Variants in RORB observed in about 807,000 individuals in gnomAD.
The protein encoded by RORB is RAR related orphan receptor B.
RORB carries 6 observed loss-of-function variants against 59.1 expected under a neutral mutation model. The observed-to-expected ratio is 0.10, with a 90% CI of 0.06 to 0.20. The LOEUF (loss-of-function observed/expected upper bound fraction) is 0.20, where lower values mean the gene tolerates loss of function less well. RORB is among the 10% of genes least tolerant of loss of function. The pLI is 1.00. For synonymous variants in RORB, 215 were observed against 204.5 expected (o/e 1.05, Z -0.44); for missense variants, 320 against 560.5 (o/e 0.57, Z 4.33).
intron 4 of RORB, among the ~76,000 whole-genome samples, chr9:74,649,302 T>C (rs560326393): frequency 2.0e-5 from 3 of 152,284 alleles, no homozygotes; most frequent in East Asian, 1.9e-4. Flanking sequence ...ACCTGGGTCA[T>C]TGGAGAGGGT....
At chr9:74,678,642 G>A (rs1219252994) in intron 9 of RORB, among the ~76,000 whole-genome samples, 1 of 152,126 alleles carries the variant, frequency 6.6e-6, no homozygotes, top group African/African-American at 2.4e-5. Flanking sequence ...GGAGTCTATG[G>A]ACCAAACACT....
intron 1 of RORB, among the ~76,000 whole-genome samples, chr9:74,597,119 A>G (rs1473043385): frequency 6.6e-6 from 1 of 152,218 alleles, no homozygotes; most frequent in Non-Finnish European, 1.5e-5. Flanking sequence ...AAGGATTTGC[A>G]TTTCCTTCAA....
In RORB at chr9:74,541,085, A is replaced by C. The variant is rs12004389; in HGVS notation, c.7+43102A>C. On this transcript the variant is annotated intron_variant, in intron 1 of 9. Transcript: ENST00000376896. The stretch of plus-strand genomic sequence containing the variant: ...CACCTGAGGTCAGGAGTTCAAGACC[A>C]GCCTGGCCAACATGGTGAAACCCTG... Among the ~76,000 whole-genome samples, 572 of 152,114 alleles carry C rather than the reference A, an allele frequency of 3.8e-3. 6 individuals carry two copies. Among genetic ancestry groups the C allele is most frequent in the African/African-American group, 0.013 (553 of 41,496 alleles).
intron 1 of RORB, among the ~76,000 whole-genome samples, chr9:74,573,486 C>T (rs1353103589): frequency 7.5e-6 from 1 of 133,644 alleles, no homozygotes; most frequent in Admixed American, 7.6e-5. Flanking sequence ...AAAAAAAAAA[C>T]TGGGCCTAAT....
chr9:74,683,726 T>C (rs1279908411), intron 9 of RORB, among the ~76,000 whole-genome samples: 1 of 152,176 alleles, frequency 6.6e-6, no homozygotes, highest in Admixed American at 6.5e-5. Context: ...CTGCCACAAG[T>C]CAGGGCATCT....
intron 1 of RORB, among the ~76,000 whole-genome samples, chr9:74,540,382 C>A (rs1481438423): frequency 2.0e-5 from 3 of 152,062 alleles, no homozygotes; most frequent in Non-Finnish European, 4.4e-5. Flanking sequence ...ATTTCTGCAT[C>A]TGCAAAAATA....
chr9:74,577,736 C>T (rs1822659899), intron 1 of RORB, among the ~76,000 whole-genome samples: 4 of 152,004 alleles, frequency 2.6e-5, no homozygotes, highest in Middle Eastern at 3.2e-3. Context: ...CTCAGATTCC[C>T]ACCCTATAAA....
At chr9:74,648,702 G>A (rs963000008) in intron 4 of RORB, among the ~76,000 whole-genome samples, 2 of 152,068 alleles carry the variant, frequency 1.3e-5, no homozygotes, top group African/African-American at 4.8e-5. Flanking sequence ...TCTTCTCTCC[G>A]TCCATCCTCC....
At chr9:74,574,325 A>AAT (rs1822598423) in intron 1 of RORB, among the ~76,000 whole-genome samples, 1 of 152,154 alleles carries the variant, frequency 6.6e-6, no homozygotes, top group Non-Finnish European at 1.5e-5. Flanking sequence ...TTACGAGGGG[A>AAT]AATAAGCCAG....
rs1191795621 is a variant in RORB, at chr9:74,497,795, AGCG to A, written c.-170_-168del. On this transcript the variant is annotated 5_prime_UTR_variant, in exon 1 of 10. Transcript: ENST00000376896. ...CCACCAACATCAAAACTGTTAACAT[AGCG>A]GCGGCGGCGGCAAACGTCACCCTGC... The A allele has an allele frequency of 2.9e-5, 18 of 620,166 alleles. No homozygotes were observed. Among genetic ancestry groups the A allele is most frequent in the South Asian group, 3.9e-5 (2 of 51,482 alleles). 38.4% of individuals were successfully genotyped at this position (620,166 alleles called of 1,614,324 possible). A position where few individuals can be genotyped will look rare whatever the true frequency, so the allele number is the denominator to read the frequency against.
rs374556016 is a variant in RORB at position 74,541,279 on chromosome 9, CAAAAAAAAA to C, written c.7+43315_7+43323del. Among the ~76,000 whole-genome samples the C allele has an allele frequency of 7.0e-3, 306 of 43,570 alleles. 4 individuals carry two copies. Among genetic ancestry groups the C allele is most frequent in the African/African-American group, 0.041 (259 of 6,254 alleles). 28.6% of individuals were successfully genotyped at this position (43,570 alleles called of 152,430 possible). ...TGGGCAACAGAAAGAGACTCCATCTCAAAAAAAAAAAAAAAAAAAAAAAAAAAGTAAAGG... is the reference window on the plus strand; with the variant it reads ...TGGGCAACAGAAAGAGACTCCATCTCAAAAAAAAAAAAAAAAAAGTAAAGG... On this transcript the variant is annotated intron_variant, in intron 1 of 9. Coordinates refer to ENST00000376896, the MANE Select transcript of RORB (RefSeq NM_006914.4).
At chr9:74,568,699 C>CA (rs34771605) in intron 1 of RORB, among the ~76,000 whole-genome samples, 49,620 of 106,914 alleles carry the variant, frequency 0.46, 10,350 homozygotes, top group East Asian at 0.75. Context: ...GACTCCATCT[C>CA]AAAAAAAAAA....
chr9:74,508,684 G>A (rs1460256441), intron 1 of RORB, among the ~76,000 whole-genome samples: 1 of 151,966 alleles, frequency 6.6e-6, no homozygotes, highest in East Asian at 1.9e-4. Flanking sequence ...CTCAAGCACA[G>A]CAAAACTACA....
intron 2 of RORB, among the ~76,000 whole-genome samples, chr9:74,632,200 C>T (rs1265440919): frequency 6.6e-6 from 1 of 151,916 alleles, no homozygotes; most frequent in Non-Finnish European, 1.5e-5. Flanking sequence ...CAAATATAAC[C>T]CAGCAAGCCA....
intron 1 of RORB, among the ~76,000 whole-genome samples, chr9:74,500,376 T>C (rs1320259443): frequency 6.6e-6 from 1 of 152,174 alleles, no homozygotes. Context: ...AGATCCAGGC[T>C]ACTCTGACGT....
At chr9:74,584,525 A>C (rs1182379320) in intron 1 of RORB, among the ~76,000 whole-genome samples, 1 of 152,216 alleles carries the variant, frequency 6.6e-6, no homozygotes, top group Non-Finnish European at 1.5e-5. Context: ...TTCTGCAGGA[A>C]GTGTGGTATG....
At chr9:74,642,933 TCTA>T in intron 4 of RORB, 118 bp downstream of exon 4, 1 of 668,152 alleles carries the variant, frequency 1.5e-6, no homozygotes, top group Non-Finnish European at 2.4e-6. Flanking sequence ...ATTCACAGCT[TCTA>T]CTGAGAAAAC....
At position 74,691,103 on chromosome 9, in the gene RORB, T is replaced by A. The variant is rs1477818946; in HGVS notation, c.*5485T>A. On this transcript the variant is annotated 3_prime_UTR_variant, in exon 10 of 10. Transcript: ENST00000376896. ...GATGGGGGTTGTCTGTTTGTGCACTTTTTTCCTAAGCTGCTGAAATTCCTC... is the reference window on the plus strand; with the variant it reads ...GATGGGGGTTGTCTGTTTGTGCACTATTTTCCTAAGCTGCTGAAATTCCTC... 1 of 152,222 alleles carries A rather than the reference T, an allele frequency of 6.6e-6. No individual in the cohort carries two copies. Among genetic ancestry groups the A allele is most frequent in the Non-Finnish European group, 1.5e-5 (1 of 68,060 alleles). The allele number at this position is 152,222 out of a possible 1,614,324, so 9.4% of individuals were successfully genotyped here. A position where few individuals can be genotyped will look rare whatever the true frequency, so the allele number is the denominator to read the frequency against.
At chr9:74,505,098 G>T (rs967306326) in intron 1 of RORB, among the ~76,000 whole-genome samples, 1 of 152,002 alleles carries the variant, frequency 6.6e-6, no homozygotes, top group African/African-American at 2.4e-5. Flanking sequence ...AAAGGCCTTG[G>T]CATTTATAAC....
Sources: allele counts gnomAD v4.1 joint callset (sites outside exome capture counted in the v4.1 genomes callset), GRCh38; gene constraint gnomAD v4.1.1; transcripts MANE v1.5; gene names NCBI Gene and HGNC (gene_info 2026-07-23, HGNC 2026-07-21).